The following MKLN1 variants were observed in gnomAD, a reference collection of about 807,000 sequenced individuals.
The protein encoded by MKLN1 is muskelin 1, also known as muskelin.
MKLN1 carries 18 observed loss-of-function variants against 99.0 expected under a neutral mutation model. The ratio of observed to expected loss-of-function variants is 0.18; its 90% CI spans 0.13 to 0.27. The LOEUF (loss-of-function observed/expected upper bound fraction) is 0.27, where lower values mean the gene tolerates loss of function less well. Ranked by LOEUF, MKLN1 falls within the 10% of genes least tolerant of loss-of-function variation. The probability of loss-of-function intolerance (pLI) is 1.00; values close to 1 mark genes in which losing one functional copy is unlikely to be tolerated. For missense variants in MKLN1, 621 were observed against 875.9 expected (o/e 0.71, Z 3.67); for synonymous variants, 288 against 293.2 (o/e 0.98, Z 0.18).
chr7:131,461,678 G>A (rs1389430395), intron 12 of MKLN1, among the ~76,000 whole-genome samples: 4 of 152,106 alleles, frequency 2.6e-5, no homozygotes, highest in Non-Finnish European at 5.9e-5. Context: ...CTAGGTTGAC[G>A]TAAATATTTC....
chr7:131,113,755 C>T (rs994191093), intron 1 of MKLN1, among the ~76,000 whole-genome samples: 2 of 151,932 alleles, frequency 1.3e-5, no homozygotes, highest in East Asian at 1.9e-4. Flanking sequence ...ACCACAGAAG[C>T]GGAGGTTGCA....
chr7:131,362,153 T>C (rs2116804957), intron 1 of MKLN1, among the ~76,000 whole-genome samples: 1 of 152,188 alleles, frequency 6.6e-6, no homozygotes. Context: ...TATTTGGGTA[T>C]GAAATACAGT....
intron 2 of MKLN1, among the ~76,000 whole-genome samples, chr7:131,196,068 C>T (rs1020715647): frequency 6.6e-6 from 1 of 152,038 alleles, no homozygotes; most frequent in African/African-American, 2.4e-5. Flanking sequence ...TTTTTAGAAA[C>T]TTTAAATGTA....
At chr7:131,202,336 T>G (rs538016967) in intron 2 of MKLN1, among the ~76,000 whole-genome samples, 122 of 151,944 alleles carry the variant, frequency 8.0e-4, no homozygotes, top group Non-Finnish European at 1.6e-3. Flanking sequence ...AGGATGGTCT[T>G]GATCTCCTGA....
chr7:131,313,730 A>G (rs934692012), intron 3 of MKLN1, among the ~76,000 whole-genome samples: 2 of 152,246 alleles, frequency 1.3e-5, no homozygotes, highest in African/African-American at 4.8e-5. Flanking sequence ...TTTCACTTAG[A>G]TAAGTAGCTT....
chr7:131,299,577 C>A lies in MKLN1; in HGVS notation c.-178-75847C>A, dbSNP rs10232386. ...AAAAGTGTAGCTCGCCGCCAGCACTCATTTAATTTTACATAAACATGCTCT... is the reference window on the plus strand; with the variant it reads ...AAAAGTGTAGCTCGCCGCCAGCACTAATTTAATTTTACATAAACATGCTCT... On this transcript the variant is annotated intron_variant, in intron 3 of 7. Transcript: ENST00000416992. Among the ~76,000 whole-genome samples, 4 of 152,258 alleles carry A rather than the reference C, an allele frequency of 2.6e-5. No homozygotes were observed. In the East Asian group the frequency reaches 7.7e-4, roughly 29 times the overall value.
chr7:131,139,708 G>C (rs1465603515), intron 1 of MKLN1, among the ~76,000 whole-genome samples: 4 of 152,176 alleles, frequency 2.6e-5, no homozygotes, highest in African/African-American at 9.7e-5. Flanking sequence ...TCAGAGTTCA[G>C]GTACACATTC....
intron 9 of MKLN1, among the ~76,000 whole-genome samples, chr7:131,436,204 C>T (rs1795671726): frequency 6.6e-6 from 1 of 152,104 alleles, no homozygotes; most frequent in Admixed American, 6.6e-5. Flanking sequence ...TGTCAAAATA[C>T]TGTTCTTCCT....
At chr7:131,224,757 T>G (rs2116460159) in intron 3 of MKLN1, among the ~76,000 whole-genome samples, 1 of 151,018 alleles carries the variant, frequency 6.6e-6, no homozygotes, top group Non-Finnish European at 1.5e-5. Context: ...ACATCTCAGG[T>G]TAGGATAACA....
At chr7:131,238,725 G>A (rs1413286052) in intron 3 of MKLN1, among the ~76,000 whole-genome samples, 1 of 152,240 alleles carries the variant, frequency 6.6e-6, no homozygotes, top group Non-Finnish European at 1.5e-5. Context: ...GTGGCTGATA[G>A]TGGTGGTTCT....
At chr7:131,231,600 G>A (rs1797245301) in intron 3 of MKLN1, among the ~76,000 whole-genome samples, 1 of 152,184 alleles carries the variant, frequency 6.6e-6, no homozygotes, top group African/African-American at 2.4e-5. Context: ...CTGGGCATGT[G>A]TGCATGCTCG....
At chr7:131,193,314 T>G (rs1796593950) in intron 2 of MKLN1, among the ~76,000 whole-genome samples, 1 of 152,188 alleles carries the variant, frequency 6.6e-6, no homozygotes. Flanking sequence ...CAACCTATAG[T>G]CAACCCAATG....
intron 1 of MKLN1, among the ~76,000 whole-genome samples, chr7:131,357,537 C>T (rs1799918239): frequency 6.6e-6 from 1 of 152,120 alleles, no homozygotes; most frequent in Non-Finnish European, 1.5e-5. Context: ...AGATTTGTCT[C>T]TTCCGCCATA....
intron 3 of MKLN1, among the ~76,000 whole-genome samples, chr7:131,231,394 T>A (rs1310478405): frequency 1.3e-5 from 2 of 152,150 alleles, no homozygotes; most frequent in East Asian, 3.9e-4. Context: ...AGCACTTGGC[T>A]CCATCGTCTT....
At chr7:131,304,077 G>C (rs1396782214) in intron 3 of MKLN1, among the ~76,000 whole-genome samples, 1 of 152,144 alleles carries the variant, frequency 6.6e-6, no homozygotes, top group Non-Finnish European at 1.5e-5. Flanking sequence ...AATGTCCCCT[G>C]AAGTACATTA....
At chr7:131,207,527 G>C (rs1207356363) in intron 3 of MKLN1, among the ~76,000 whole-genome samples, 2 of 152,200 alleles carry the variant, frequency 1.3e-5, no homozygotes, top group Non-Finnish European at 2.9e-5. Context: ...AGTATTTGAG[G>C]ATGTTGCCAA....
chr7:131,309,576 C>T (rs1798525515), intron 3 of MKLN1, among the ~76,000 whole-genome samples: 1 of 151,894 alleles, frequency 6.6e-6, no homozygotes, highest in East Asian at 1.9e-4. Context: ...TCACAGCTGG[C>T]TAATTGTTGT....
At chr7:131,347,821 C>A (rs958923250) in intron 1 of MKLN1, among the ~76,000 whole-genome samples, 1 of 152,038 alleles carries the variant, frequency 6.6e-6, no homozygotes, top group Non-Finnish European at 1.5e-5. Context: ...TACTAGTAAG[C>A]TTTTGTGTTT....
Position 131,395,012 on chromosome 7 carries a change from A to G in MKLN1, c.401-2255A>G, listed in dbSNP as rs555268440. Among the ~76,000 whole-genome samples, 10 of 152,212 alleles carry G rather than the reference A, an allele frequency of 6.6e-5. No homozygotes were observed. In the East Asian group the frequency reaches 1.9e-3, roughly 29 times the overall value. On this transcript the variant is annotated intron_variant, in intron 4 of 17. Transcript: ENST00000352689. ...CATTATGTAATATTTTAAAAATCAC[A>G]TTTATTAATATCACATCTAATCTCA...
Sources: gnomAD v4.1 joint callset for allele counts (sites outside exome capture counted in the v4.1 genomes callset) on GRCh38, gnomAD v4.1.1 for gene constraint, MANE v1.5 for transcripts, NCBI Gene and HGNC (gene_info 2026-07-23, HGNC 2026-07-21) for gene names.